The following NUDT19 variants were observed in gnomAD, a reference collection of about 807,000 sequenced individuals.
NUDT19 encodes the protein acyl-coenzyme A diphosphatase NUDT19.
A neutral mutation model predicts 22.2 loss-of-function variants in NUDT19; 31 were observed. That is an observed-to-expected ratio of 1.40 (90% CI 1.05 to 1.89). NUDT19 has a LOEUF of 1.89. NUDT19 is among the 40% of genes most tolerant of loss of function. NUDT19 has a pLI of 0.00. For synonymous variants in NUDT19, 325 were observed against 230.8 expected, an observed-to-expected ratio of 1.41 and a Z score of -3.70; for missense variants, 752 against 514.2, an observed-to-expected ratio of 1.46 and a Z score of -4.47.
intron 1 of NUDT19, among the ~76,000 whole-genome samples, chr19:32,694,525 G>C (rs928350290): frequency 2.0e-5 from 3 of 152,138 alleles, no homozygotes; most frequent in African/African-American, 7.2e-5. Context: ...GGCTATTCCG[G>C]TTCCTGTAGC....
intron 1 of NUDT19, among the ~76,000 whole-genome samples, chr19:32,702,556 C>T (rs977462208): frequency 6.6e-6 from 1 of 151,994 alleles, no homozygotes; most frequent in African/African-American, 2.4e-5. Context: ...AGCAGTGAGC[C>T]AAGATCATGC....
At chr19:32,704,775 G>A (rs1022190481) in intron 1 of NUDT19, among the ~76,000 whole-genome samples, 3 of 151,934 alleles carry the variant, frequency 2.0e-5, no homozygotes, top group African/African-American at 7.3e-5. Flanking sequence ...GTGACTTTAT[G>A]TTGTTGAGTG....
Position 32,692,454 on chromosome 19 carries a change from C to T in NUDT19, c.494C>T (p.Ala165Val). 6.5e-7 allele frequency: 1 copy of T among 1,545,040 alleles called. No individual in the cohort carries two copies. The highest frequency in any genetic ancestry group is 8.7e-7 in the Non-Finnish European group (1 of 1,150,376). The change falls in exon 1 of 3, where the codon GCC (alanine) becomes GTC (valine). Residue 165 changes from alanine to valine, a missense_variant. Ala to Val is a moderately conservative substitution (Grantham distance 64, BLOSUM62 0). Transcript: ENST00000397061. ...GLALEPPPGLASWRDRVRQDP... is the reference protein window; with the variant it reads ...GLALEPPPGLVSWRDRVRQDP... ...GCCCTGGAGCCACCGCCGGGCCTGG[C>T]CTCCTGGCGCGACCGCGTGCGCCAG...
Position 32,692,686 on chromosome 19 carries a change from T to A in NUDT19, c.714+12T>A, listed in dbSNP as rs1460999867. The A allele has an allele frequency of 1.4e-6, 2 of 1,459,934 alleles. No individual in the cohort carries two copies. Among genetic ancestry groups the A allele is most frequent in the Non-Finnish European group, 1.8e-6 (2 of 1,113,138 alleles). The allele number at this position is 1,459,934 out of a possible 1,614,324, so 90.4% of individuals were successfully genotyped here. A position where few individuals can be genotyped will look rare whatever the true frequency, so the allele number is the denominator to read the frequency against. ...TGGTGGGCTACCAGGTAAGGCCTGC[T>A]CAGGGCCTTGCTGCGGACCGCCAGG... On this transcript the variant is annotated intron_variant, in intron 1 of 2. Transcript: ENST00000397061.
rs1274481999 is a variant in NUDT19, at chr19:32,703,049, T to C, written c.715-6136T>C. On this transcript the variant is annotated intron_variant, in intron 1 of 2. Transcript: ENST00000397061. ...AGTGTTTCACTCTTGTTGCCCAGGT[T>C]AGAGTGCAGTGGCATGATCTTGGCT... 5.3e-5 allele frequency among the ~76,000 whole-genome samples: 8 copies of C among 152,336 alleles called. No individual in the cohort carries two copies. The South Asian group carries it at 1.2e-3, about 24-fold the overall frequency.
chr19:32,710,062 C>T (rs1968429430), intron 2 of NUDT19, among the ~76,000 whole-genome samples: 1 of 151,918 alleles, frequency 6.6e-6, no homozygotes, highest in African/African-American at 2.4e-5. Context: ...TCTTGTCACC[C>T]AGGCTGGAGT....
chr19:32,697,186 G>A (rs758582423), intron 1 of NUDT19, among the ~76,000 whole-genome samples: 14 of 152,050 alleles, frequency 9.2e-5, no homozygotes, highest in Admixed American at 2.6e-4. Flanking sequence ...CTAAGTCTGC[G>A]GCCTTTCTAT....
In NUDT19 at chr19:32,711,893, C is replaced by G; in HGVS notation, c.1064C>G (p.Thr355Ser). 1.2e-6 allele frequency: 2 copies of G among 1,613,992 alleles called. No individual in the cohort carries two copies. Among genetic ancestry groups the G allele is most frequent in the Non-Finnish European group, 1.7e-6 (2 of 1,179,938 alleles). Residue 355 changes from threonine (T) to serine (S), a missense_variant, in exon 3 of 3, where the codon ACT (threonine) becomes AGT (serine). Physicochemically the swap from Thr to Ser is moderately conservative, Grantham distance 58. Coordinates refer to ENST00000397061, the MANE Select transcript of NUDT19 (RefSeq NM_001105570.2). The part of the protein sequence containing the change: ...YHRHLYDIHV[T>S]VQPKYKHVYP... ...CGCCACCTTTATGATATCCACGTGA[C>G]TGTTCAGCCAAAGTATAAACACGTT...
chr19:32,692,642 T>C lies in NUDT19; in HGVS notation c.682T>C (p.Tyr228His). 1.3e-6 allele frequency: 2 copies of C among 1,524,450 alleles called. No homozygotes were observed. The highest frequency in any genetic ancestry group is 1.3e-5 in the South Asian group (1 of 78,870). 94.4% of individuals were successfully genotyped at this position (1,524,450 alleles called of 1,614,324 possible). ...CTGCCTGCGCGAGCCGCCGCCCGTC[T>C]ACCCCGACTTGGCGGAGGTGGTGGG... The part of the protein sequence containing the change: ...LCCLREPPPV[Y>H]PDLAEVVGYQ... The change falls in exon 1 of 3, where the codon TAC (tyrosine) becomes CAC (histidine). Residue 228 changes from tyrosine to histidine, a missense_variant. Physicochemically the swap from Tyr to His is moderately conservative, Grantham distance 83 (BLOSUM62 2). Coordinates refer to ENST00000397061, the MANE Select transcript of NUDT19 (RefSeq NM_001105570.2).
rs369231506 is a variant in NUDT19, at chr19:32,692,251, C to T, written c.291C>T (p.Ser97=). The change falls in exon 1 of 3, where the codon AGC becomes AGT. Residue 97 remains serine, a synonymous_variant. Transcript: ENST00000397061. ...PRFGLGPAPF[S]RTAFPSLPDT... is the part of the protein sequence containing the mutation. ...TCGGCCTGGGCCCGGCGCCATTCAGCCGCACCGCTTTCCCGTCGCTGCCCG... is the reference window on the plus strand; with the variant it reads ...TCGGCCTGGGCCCGGCGCCATTCAGTCGCACCGCTTTCCCGTCGCTGCCCG... 1.9e-6 allele frequency: 3 copies of T among 1,592,048 alleles called. No homozygotes were observed. The highest frequency in any genetic ancestry group is 2.5e-6 in the Non-Finnish European group (3 of 1,177,458).
At chr19:32,692,864 T>C (rs1968216234) in intron 1 of NUDT19, among the ~76,000 whole-genome samples, 190 bp downstream of exon 1, 1 of 152,224 alleles carries the variant, frequency 6.6e-6, no homozygotes, top group East Asian at 1.9e-4. Context: ...AAGTGCTCTC[T>C]GCTTTCCTAG....
intron 1 of NUDT19, among the ~76,000 whole-genome samples, chr19:32,693,098 G>A (rs1264977274): frequency 2.0e-5 from 3 of 152,254 alleles, no homozygotes; most frequent in African/African-American, 7.2e-5. Flanking sequence ...CTCGTCTCCA[G>A]CTCCTGGTGT....
At chr19:32,709,425 TATTCAC>T (rs774429793) in intron 2 of NUDT19, 33 bp downstream of exon 2, 1 of 1,571,580 alleles carries the variant, frequency 6.4e-7, no homozygotes, top group Non-Finnish European at 8.8e-7. Context: ...CTTTTGTTAG[TATTCAC>T]ATTCAGTGCC....
At chr19:32,701,350 C>T (rs375511542) in intron 1 of NUDT19, among the ~76,000 whole-genome samples, 10 of 151,988 alleles carry the variant, frequency 6.6e-5, no homozygotes, top group East Asian at 1.9e-4. Context: ...GGATTACGGG[C>T]GCCTGCCACC....
At position 32,712,829 on chromosome 19, in the gene NUDT19, T is replaced by C. The variant is rs1254892856; in HGVS notation, c.*872T>C. On this transcript the variant is annotated 3_prime_UTR_variant, in exon 3 of 3. Coordinates refer to ENST00000397061, the MANE Select transcript of NUDT19 (RefSeq NM_001105570.2). ...AACCAGAACATAATTTCACAAGGGT[T>C]CCTACTTCTGTATTGTTTTATTATC... is the stretch of plus-strand genomic sequence containing the variant. The C allele has an allele frequency of 2.6e-5, 4 of 152,216 alleles. No homozygotes were observed. 9.4% of individuals were successfully genotyped at this position (152,216 alleles called of 1,614,324 possible).
intron 1 of NUDT19, among the ~76,000 whole-genome samples, chr19:32,692,891 G>A (rs1968216783): frequency 6.6e-6 from 1 of 152,250 alleles, no homozygotes; most frequent in East Asian, 1.9e-4. Flanking sequence ...GGGTCTCAAG[G>A]CCTGGAGCCT....
chr19:32,701,199 G>GTT (rs3042685), intron 1 of NUDT19, among the ~76,000 whole-genome samples: 12,455 of 100,880 alleles, frequency 0.12, 1,268 homozygotes, highest in African/African-American at 0.19. Context: ...CATCTTGCAG[G>GTT]TTTTTTTTTT....
rs148953136 is a variant in NUDT19, at chr19:32,709,844, G to A, written c.922+452G>A. On this transcript the variant is annotated intron_variant, in intron 2 of 2. Coordinates refer to ENST00000397061, the MANE Select transcript of NUDT19 (RefSeq NM_001105570.2). ...TTTGTATTTTTTTTTTAGTAGATAC[G>A]GGGTTTCACCATCTTGGCCAGGCTG... Among the ~76,000 whole-genome samples, 740 of 151,506 alleles carry A rather than the reference G, an allele frequency of 4.9e-3. 7 individuals carry two copies. Among genetic ancestry groups the A allele is most frequent in the African/African-American group, 0.017 (700 of 41,292 alleles).
intron 1 of NUDT19, among the ~76,000 whole-genome samples, chr19:32,705,296 C>A (rs375703020): frequency 6.6e-6 from 1 of 151,012 alleles, no homozygotes; most frequent in African/African-American, 2.4e-5. Flanking sequence ...TGGTGGTGGG[C>A]GCCTATAGTT....
Sources: gnomAD v4.1 joint callset for allele counts (sites outside exome capture counted in the v4.1 genomes callset) on GRCh38, gnomAD v4.1.1 for gene constraint, MANE v1.5 for transcripts, NCBI Gene and HGNC (gene_info 2026-07-23, HGNC 2026-07-21) for gene names.